The following IL21R variants were observed in gnomAD, a reference collection of about 807,000 sequenced individuals.
The protein encoded by IL21R is interleukin 21 receptor.
IL21R carries 14 observed loss-of-function variants against 41.3 expected under a neutral mutation model. The ratio of observed to expected loss-of-function variants is 0.34; its 90% CI spans 0.22 to 0.53. The LOEUF (loss-of-function observed/expected upper bound fraction) is 0.53. IL21R is among the 20% of genes least tolerant of loss of function. The probability of loss-of-function intolerance (pLI) is 0.94; values close to 1 mark genes in which losing one functional copy is unlikely to be tolerated. For missense variants in IL21R, 588 were observed against 681.6 expected (o/e 0.86, Z 1.53); for synonymous variants, 286 against 287.6 (o/e 0.99, Z 0.05).
rs553596346 is a variant in IL21R at position 27,450,582 on chromosome 16, CTTTTTTTTT to C, written c.*1305_*1313del. The C allele has an allele frequency of 1.1e-5, 2 of 181,510 alleles. No individual in the cohort carries two copies. The highest frequency in any genetic ancestry group is 4.9e-5 in the African/African-American group (2 of 41,156). The allele number at this position is 181,510 out of a possible 1,614,324, so 11.2% of individuals were successfully genotyped here. A position where few individuals can be genotyped will look rare whatever the true frequency, so the allele number is the denominator to read the frequency against. On this transcript the variant is annotated 3_prime_UTR_variant, in exon 9 of 9. Transcript: ENST00000337929. The stretch of plus-strand genomic sequence containing the variant: ...TATTTCTTAGCAACATTTTCTTTTT[CTTTTTTTTT>C]TTTTTCTTTTGAGACAGAGTCTCAC...
chr16:27,436,835 G>A (rs1208727706), intron 3 of IL21R, among the ~76,000 whole-genome samples: 1 of 152,162 alleles, frequency 6.6e-6, no homozygotes, highest in Non-Finnish European at 1.5e-5. Flanking sequence ...CACTTTGGGA[G>A]GCCAAGGCTG....
chr16:27,414,103 G>T, intron 1 of IL21R, among the ~76,000 whole-genome samples: 2 of 151,052 alleles, frequency 1.3e-5, no homozygotes, highest in East Asian at 3.9e-4. Flanking sequence ...TTTTGTTTTT[G>T]CCCTGACCTC....
chr16:27,440,432 C>G (rs1459897306), intron 4 of IL21R, among the ~76,000 whole-genome samples: 2 of 151,806 alleles, frequency 1.3e-5, no homozygotes, highest in Non-Finnish European at 2.9e-5. Context: ...CATCACCATC[C>G]TGGCTAATTT....
In IL21R at chr16:27,427,792, C is replaced by T. The variant is rs182483502; in HGVS notation, c.-16-2264C>T. Among the ~76,000 whole-genome samples, 173 of 152,108 alleles carry T rather than the reference C, an allele frequency of 1.1e-3. 3 individuals are homozygous for T. The highest frequency in any genetic ancestry group is 3.7e-3 in the African/African-American group (154 of 41,456). On this transcript the variant is annotated intron_variant, in intron 1 of 8. Transcript: ENST00000337929. Reference sequence around the variant, plus strand: ...GGGCAGACACAGACTCCCCCTCCTGCGATCAGAGGCCACATCTTCAAAGTG... The same window carrying T: ...GGGCAGACACAGACTCCCCCTCCTGTGATCAGAGGCCACATCTTCAAAGTG...
At chr16:27,415,654 C>T (rs979498548) in intron 1 of IL21R, among the ~76,000 whole-genome samples, 1 of 152,220 alleles carries the variant, frequency 6.6e-6, no homozygotes, top group Admixed American at 6.5e-5. Flanking sequence ...TTCTTCTCAT[C>T]AAATAAGGGC....
At position 27,425,851 on chromosome 16, in the gene IL21R, C is replaced by T. The variant is rs139488423; in HGVS notation, c.-16-4205C>T. ...GATTACAGGCATGACCCAGTGTGCC[C>T]GGCCTCCCTTTCTTAACTTTAAACA... On this transcript the variant is annotated intron_variant, in intron 1 of 8. Coordinates refer to ENST00000337929, the MANE Select transcript of IL21R (RefSeq NM_181078.3). 1.1e-3 allele frequency among the ~76,000 whole-genome samples: 169 copies of T among 152,284 alleles called. 3 individuals are homozygous for T. The highest frequency in any genetic ancestry group is 3.7e-3 in the African/African-American group (153 of 41,546).
chr16:27,417,204 C>T (rs543388632), intron 1 of IL21R, among the ~76,000 whole-genome samples: 1 of 150,156 alleles, frequency 6.7e-6, no homozygotes, highest in African/African-American at 2.5e-5. Context: ...CTCTGTCACC[C>T]AGGCTGGACT....
chr16:27,449,406 G>A lies in IL21R; in HGVS notation c.*123G>A, dbSNP rs916631403. The stretch of plus-strand genomic sequence containing the variant: ...GTCTCCTGGATGGGCCTTTGAGCCT[G>A]ATGTTTACAGTGTCTGTGTGTGTGT... On this transcript the variant is annotated 3_prime_UTR_variant, in exon 9 of 9. Transcript: ENST00000337929. The A allele has an allele frequency of 9.8e-6, 9 of 913,926 alleles. No individual in the cohort carries two copies. The highest frequency in any genetic ancestry group is 1.7e-5 in the South Asian group (1 of 58,398). The allele number at this position is 913,926 out of a possible 1,614,324, so 56.6% of individuals were successfully genotyped here.
At chr16:27,418,778 G>C (rs767221494) in intron 1 of IL21R, among the ~76,000 whole-genome samples, 2 of 151,782 alleles carry the variant, frequency 1.3e-5, no homozygotes, top group Non-Finnish European at 2.9e-5. Flanking sequence ...GTGCACTCTT[G>C]TACTAACACT....
At chr16:27,421,554 TTAACA>T (rs1368556563) in intron 1 of IL21R, among the ~76,000 whole-genome samples, 2 of 152,138 alleles carry the variant, frequency 1.3e-5, no homozygotes, top group African/African-American at 2.4e-5. Context: ...TCATCTCATA[TTAACA>T]TAACTAATGA....
chr16:27,420,182 A>T (rs1349343553), intron 1 of IL21R, among the ~76,000 whole-genome samples: 1 of 152,152 alleles, frequency 6.6e-6, no homozygotes, highest in Non-Finnish European at 1.5e-5. Flanking sequence ...GAGCCACCGC[A>T]CCTAGCCCTG....
intron 4 of IL21R, chr16:27,442,620 C>T (rs187529222): frequency 1.2e-3 from 200 of 162,680 alleles, no homozygotes; most frequent in Non-Finnish European, 2.1e-3. Context: ...CCTTGGCCTT[C>T]CAAAGTGCTG....
intron 1 of IL21R, among the ~76,000 whole-genome samples, chr16:27,407,456 G>A (rs1025829637): frequency 6.6e-6 from 1 of 152,182 alleles, no homozygotes; most frequent in African/African-American, 2.4e-5. Flanking sequence ...AAAGAAGCTG[G>A]GGGAAAAGCA....
chr16:27,412,914 G>A (rs1439737586), intron 1 of IL21R, among the ~76,000 whole-genome samples: 1 of 152,036 alleles, frequency 6.6e-6, no homozygotes, highest in Non-Finnish European at 1.5e-5. Flanking sequence ...CGTAATCTGT[G>A]AACAGAGATA....
intron 3 of IL21R, among the ~76,000 whole-genome samples, chr16:27,436,883 A>G (rs1001311038): frequency 6.6e-6 from 1 of 152,108 alleles, no homozygotes; most frequent in Non-Finnish European, 1.5e-5. Context: ...GACCAGCCTA[A>G]GCAACATGGT....
At chr16:27,425,219 G>A (rs1489397273) in intron 1 of IL21R, among the ~76,000 whole-genome samples, 2 of 152,170 alleles carry the variant, frequency 1.3e-5, no homozygotes, top group Admixed American at 1.3e-4. Context: ...ATGGTGGCCC[G>A]ATCTGTATCT....
At chr16:27,433,448 A>G (rs1291634624) in intron 2 of IL21R, among the ~76,000 whole-genome samples, 1 of 152,232 alleles carries the variant, frequency 6.6e-6, no homozygotes, top group Non-Finnish European at 1.5e-5. Context: ...CCTGGGCAAC[A>G]GAGCAAGAGA....
intron 4 of IL21R, among the ~76,000 whole-genome samples, chr16:27,440,748 C>A (rs1308233191): frequency 1.3e-5 from 2 of 152,000 alleles, no homozygotes; most frequent in Non-Finnish European, 2.9e-5. Context: ...TAGATGGTGG[C>A]AGATTGAAAG....
rs1292049947 is a variant in IL21R, at chr16:27,410,404, G to A, written c.-17+7786G>A. Among the ~76,000 whole-genome samples, 4 of 151,284 alleles carry A rather than the reference G, an allele frequency of 2.6e-5. No individual in the cohort carries two copies. The East Asian group carries it at 7.7e-4, about 29-fold the overall frequency. On this transcript the variant is annotated intron_variant, in intron 1 of 8. Transcript: ENST00000337929. Reference sequence around the variant, plus strand: ...GGATATTTGATTTTTTGATGCTGATGTAAATGGCATAATTTTAAAATTTCT... The same window carrying A: ...GGATATTTGATTTTTTGATGCTGATATAAATGGCATAATTTTAAAATTTCT...
Sources: allele counts gnomAD v4.1 joint callset (sites outside exome capture counted in the v4.1 genomes callset), GRCh38; gene constraint gnomAD v4.1.1; transcripts MANE v1.5; gene names NCBI Gene and HGNC (gene_info 2026-07-23, HGNC 2026-07-21).